TTC28: variants seen among roughly 807,000 people sequenced by gnomAD.
The protein encoded by TTC28 is tetratricopeptide repeat domain 28, also known as tetratricopeptide repeat protein 28.
TTC28 carries 61 observed loss-of-function variants against 198.0 expected under a neutral mutation model. The observed-to-expected ratio is 0.31, with a 90% CI of 0.25 to 0.38. TTC28 has a LOEUF of 0.38. Ranked by LOEUF, TTC28 falls within the 10% of genes least tolerant of loss-of-function variation. The probability of loss-of-function intolerance (pLI) is 1.00; values close to 1 mark genes in which losing one functional copy is unlikely to be tolerated. For missense variants in TTC28, 2,678 were observed against 3,164.0 expected, an observed-to-expected ratio of 0.85 and a Z score of 3.69; for synonymous variants, 1,171 against 1,297.8, an observed-to-expected ratio of 0.90 and a Z score of 2.10.
chr22:28,507,969 A>G (rs2048635938), intron 2 of TTC28, among the ~76,000 whole-genome samples: 2 of 152,204 alleles, frequency 1.3e-5, no homozygotes, highest in South Asian at 4.1e-4. Context: ...AAGTACATAG[A>G]CCAGTGACAC....
chr22:28,093,804 T>C (rs1351176301), intron 12 of TTC28, among the ~76,000 whole-genome samples: 1 of 152,228 alleles, frequency 6.6e-6, no homozygotes, highest in Non-Finnish European at 1.5e-5. Context: ...GCCATGTTTA[T>C]GTTTAAACAG....
intron 5 of TTC28, among the ~76,000 whole-genome samples, chr22:28,185,166 C>T (rs900813199): frequency 1.3e-5 from 2 of 152,124 alleles, no homozygotes; most frequent in Admixed American, 1.3e-4. Flanking sequence ...CACAAAAATT[C>T]ACTCTTGTTT....
intron 2 of TTC28, among the ~76,000 whole-genome samples, chr22:28,345,040 A>G (rs1407449839): frequency 6.6e-6 from 1 of 152,172 alleles, no homozygotes; most frequent in African/African-American, 2.4e-5. Context: ...GTTAGGATTC[A>G]AACTCAGATC....
intron 5 of TTC28, among the ~76,000 whole-genome samples, chr22:28,243,346 G>A (rs1184024854): frequency 6.6e-6 from 1 of 151,228 alleles, no homozygotes; most frequent in East Asian, 1.9e-4. Flanking sequence ...GACAGAGGGA[G>A]ACCCCGTCTC....
chr22:28,241,090 C>T (rs1031878609), intron 5 of TTC28, among the ~76,000 whole-genome samples: 10 of 152,040 alleles, frequency 6.6e-5, no homozygotes, highest in East Asian at 1.9e-4. Context: ...AGTAACTTCA[C>T]GATAGAGAAA....
In TTC28 at chr22:28,494,957, T is replaced by C. The variant is rs989508807; in HGVS notation, c.381+134595A>G. 6.6e-5 allele frequency among the ~76,000 whole-genome samples: 10 copies of C among 151,566 alleles called. No individual in the cohort carries two copies. The South Asian group carries it at 8.3e-4, about 13-fold the overall frequency. On this transcript the variant is annotated intron_variant, in intron 2 of 22. Transcript: ENST00000397906. ...AAAAGGAACAATCAAAGAGCAAAAA[T>C]TTTAGAAATAAAAAGGAATAAAAAA...
chr22:28,569,016 G>A (rs985218674), intron 2 of TTC28, among the ~76,000 whole-genome samples: 7 of 151,862 alleles, frequency 4.6e-5, no homozygotes, highest in East Asian at 1.9e-4. Flanking sequence ...GCATGGTGGC[G>A]CACACCTGTA....
rs117659119 is a variant in TTC28 at position 28,179,598 on chromosome 22, G to C, written c.934-15999C>G. On this transcript the variant is annotated intron_variant, in intron 5 of 22. Coordinates refer to ENST00000397906, the MANE Select transcript of TTC28 (RefSeq NM_001145418.2). The stretch of plus-strand genomic sequence containing the variant: ...GGCTAATAAATAGGATCACTTCCAG[G>C]TAAAGCTTTAGAAATCAATGCATGT... Among the ~76,000 whole-genome samples, 31 of 152,284 alleles carry C rather than the reference G, an allele frequency of 2.0e-4. No individual in the cohort carries two copies. In the East Asian group the frequency reaches 6.0e-3, roughly 29 times the overall value.
rs1344467980 is a variant in TTC28 at position 28,539,353 on chromosome 22, G to A, written c.381+90199C>T. ...TGAGGAACACCTACATGGGTGGAGAGGCCAGGAGCAGTGGCTCAAACTTGT... is the reference window on the plus strand; with the variant it reads ...TGAGGAACACCTACATGGGTGGAGAAGCCAGGAGCAGTGGCTCAAACTTGT... On this transcript the variant is annotated intron_variant, in intron 2 of 22. Transcript: ENST00000397906. 3.3e-5 allele frequency among the ~76,000 whole-genome samples: 5 copies of A among 152,140 alleles called. No homozygotes were observed. The East Asian group carries it at 9.6e-4, about 29-fold the overall frequency.
At chr22:28,135,849 C>G (rs988215160) in intron 6 of TTC28, among the ~76,000 whole-genome samples, 2 of 152,132 alleles carry the variant, frequency 1.3e-5, no homozygotes, top group Admixed American at 1.3e-4. Flanking sequence ...CTTAGAAACA[C>G]AGTAGATATA....
Position 28,105,654 on chromosome 22 carries a change from A to C in TTC28, c.2932T>G (p.Ser978Ala). Residue 978 changes from serine to alanine, a missense_variant, in exon 8 of 23, where the codon TCC (serine) becomes GCC (alanine). Transcript: ENST00000397906. ...ATGTTCAGCTGGCGTTCAAGGCAGG[A>C]AATGGCTTGTTCGTAATTCCCTAAT... ...SQLGNYEQAISCLERQLNIAR... is the reference protein window; with the variant it reads ...SQLGNYEQAIACLERQLNIAR... 6.4e-7 allele frequency: 1 copy of C among 1,552,074 alleles called. No homozygotes were observed. The highest frequency in any genetic ancestry group is 2.0e-5 in the Admixed American group (1 of 50,998).
At chr22:28,566,998 T>C (rs1015524710) in intron 2 of TTC28, among the ~76,000 whole-genome samples, 1 of 151,970 alleles carries the variant, frequency 6.6e-6, no homozygotes, top group Non-Finnish European at 1.5e-5. Context: ...TGGCGGATCA[T>C]GAGGTCAGGA....
At chr22:28,278,854 T>C (rs1306664962) in intron 5 of TTC28, among the ~76,000 whole-genome samples, 1 of 152,240 alleles carries the variant, frequency 6.6e-6, no homozygotes, top group Non-Finnish European at 1.5e-5. Flanking sequence ...TTCAGCCATA[T>C]ATGAACATGT....
chr22:28,538,717 GTC>G (rs1569010527), intron 2 of TTC28, among the ~76,000 whole-genome samples: 19 of 151,660 alleles, frequency 1.3e-4, no homozygotes, highest in Non-Finnish European at 2.4e-4. Flanking sequence ...GCGCCACCAC[GTC>G]CAGCTAATTT....
intron 12 of TTC28, among the ~76,000 whole-genome samples, chr22:28,083,486 G>A (rs1207718697): frequency 6.6e-6 from 1 of 152,176 alleles, no homozygotes; most frequent in Non-Finnish European, 1.5e-5. Flanking sequence ...GTTTATTCAT[G>A]GCTATTTATT....
Position 28,352,388 on chromosome 22 carries a change from G to A in TTC28, c.382-45745C>T, listed in dbSNP as rs114167279. ...TCAGTACAGCAAATATGGTATATAG[G>A]GCTATTGTGGAAAGGCACAGCTCCA... On this transcript the variant is annotated intron_variant, in intron 2 of 22. Transcript: ENST00000397906. Among the ~76,000 whole-genome samples the A allele has an allele frequency of 7.8e-3, 1,182 of 151,282 alleles. 22 individuals carry two copies. The highest frequency in any genetic ancestry group is 0.027 in the African/African-American group (1,089 of 41,042).
At chr22:28,117,732 C>CT (rs1942671838) in intron 6 of TTC28, among the ~76,000 whole-genome samples, 1 of 152,208 alleles carries the variant, frequency 6.6e-6, no homozygotes, top group Non-Finnish European at 1.5e-5. Context: ...CAGAACCCCC[C>CT]TATTTAAATT....
chr22:28,228,805 TA>T (rs112517366), intron 5 of TTC28, among the ~76,000 whole-genome samples: 1 of 152,150 alleles, frequency 6.6e-6, no homozygotes, highest in African/African-American at 2.4e-5. Context: ...GTAGGAACTT[TA>T]AAAATTTTTT....
chr22:28,066,390 A>G (rs1352320744), intron 12 of TTC28, among the ~76,000 whole-genome samples: 1 of 152,026 alleles, frequency 6.6e-6, no homozygotes, highest in Admixed American at 6.6e-5. Flanking sequence ...CGTACGATAC[A>G]GTGTTAACTA....
Sources: allele counts gnomAD v4.1 joint callset (sites outside exome capture counted in the v4.1 genomes callset), GRCh38; gene constraint gnomAD v4.1.1; transcripts MANE v1.5; gene names NCBI Gene and HGNC (gene_info 2026-07-23, HGNC 2026-07-21).